Variants in CWF19L2 observed in about 807,000 individuals in gnomAD.
The protein encoded by CWF19L2 is CWF19-like protein 2.
In CWF19L2, 98 loss-of-function variants were observed where a neutral mutation model predicts 111.7. The ratio of observed to expected loss-of-function variants is 0.88; its 90% CI spans 0.75 to 1.04. CWF19L2 has a LOEUF of 1.04. Among genes scored for constraint, CWF19L2 ranks in the 50% least tolerant of loss-of-function variants. CWF19L2 has a pLI of 0.00. For synonymous variants in CWF19L2, 351 were observed against 342.9 expected (o/e 1.02, Z -0.26); for missense variants, 1,101 against 1,051.4 (o/e 1.05, Z -0.65).
chr11:107,396,367 A>C (rs1351987449), intron 10 of CWF19L2, among the ~76,000 whole-genome samples: 1 of 152,204 alleles, frequency 6.6e-6, no homozygotes, highest in African/African-American at 2.4e-5. Context: ...CAAAACTGAT[A>C]ATTTGTTAAA....
In CWF19L2 at chr11:107,428,977, A is replaced by G; in HGVS notation, c.1255T>C (p.Trp419Arg). Residue 419 changes from tryptophan to arginine, a missense_variant, in exon 8 of 18, where the codon TGG (tryptophan) becomes CGG (arginine). Trp to Arg is a moderately radical substitution (Grantham distance 101). Coordinates refer to ENST00000282251, the MANE Select transcript of CWF19L2 (RefSeq NM_152434.3). Reference sequence around the variant, plus strand: ...TCTCCTCTCCCATCAGAGCGACTCCATGATGTTAATCTTTCTTCACTGTTC... The same window carrying G: ...TCTCCTCTCCCATCAGAGCGACTCCGTGATGTTAATCTTTCTTCACTGTTC... The part of the protein sequence containing the change: ...TKNSEERLTS[W>R]SRSDGRGDKK... 6.2e-7 allele frequency: 1 copy of G among 1,613,498 alleles called. No homozygotes were observed. Among genetic ancestry groups the G allele is most frequent in the Non-Finnish European group, 8.5e-7 (1 of 1,179,720 alleles).
chr11:107,384,086 A>G (rs1860731091), intron 12 of CWF19L2, among the ~76,000 whole-genome samples: 1 of 152,206 alleles, frequency 6.6e-6, no homozygotes, highest in African/African-American at 2.4e-5. Context: ...CATACACTGA[A>G]TGAGTTCAAT....
intron 9 of CWF19L2, among the ~76,000 whole-genome samples, chr11:107,417,939 T>A (rs1861250984): frequency 6.6e-6 from 1 of 152,130 alleles, no homozygotes; most frequent in Non-Finnish European, 1.5e-5. Context: ...TTTGTATTTT[T>A]ACTAGAGACA....
intron 17 of CWF19L2, among the ~76,000 whole-genome samples, chr11:107,328,602 A>T (rs1226364461): frequency 3.3e-5 from 5 of 152,178 alleles, no homozygotes; most frequent in Non-Finnish European, 2.9e-5. Context: ...TAACTCCAAA[A>T]CTGAATCATA....
rs1307018511 is a variant in CWF19L2 at position 107,411,833 on chromosome 11, A to C, written c.1617+4376T>G. ...AAATAGAAGAGTACTTATGATTCTT[A>C]TTTTATTTTCTTCATTAGGCCTAAT... On this transcript the variant is annotated intron_variant, in intron 10 of 17. Coordinates refer to ENST00000282251, the MANE Select transcript of CWF19L2 (RefSeq NM_152434.3). Among the ~76,000 whole-genome samples the C allele has an allele frequency of 2.6e-5, 4 of 152,104 alleles. No individual in the cohort carries two copies. The East Asian group carries it at 7.7e-4, about 29-fold the overall frequency.
In CWF19L2 at chr11:107,390,165, T is replaced by C. The variant is rs36025692; in HGVS notation, c.1781A>G (p.Asp594Gly). The change falls in exon 12 of 18, where the codon GAT becomes GGT. Residue 594 changes from aspartate to glycine, a missense_variant. Physicochemically the swap from Asp to Gly is moderately conservative, Grantham distance 94. Transcript: ENST00000282251. ...TAAATCATTTAGGCTTAGATTATCA[T>C]CATCATGAAAGTATCTGACCCTTTC... is the stretch of plus-strand genomic sequence containing the variant. ...ERERVRYFHD[D>G]DNLSLNDLVK... The C allele has an allele frequency of 1.6e-3, 2,651 of 1,611,380 alleles. 38 individuals are homozygous for C. In the African/African-American group the frequency reaches 0.032, roughly 19 times the overall value.
chr11:107,394,791 T>C (rs536967444), intron 10 of CWF19L2, among the ~76,000 whole-genome samples: 12 of 152,136 alleles, frequency 7.9e-5, no homozygotes, highest in Admixed American at 6.5e-5. Flanking sequence ...GGTTCCTTGG[T>C]TTCCAGCCCT....
intron 12 of CWF19L2, among the ~76,000 whole-genome samples, chr11:107,358,617 G>T (rs984404696): frequency 2.0e-5 from 3 of 152,204 alleles, no homozygotes; most frequent in African/African-American, 7.2e-5. Context: ...ACTATTCTAT[G>T]ATTCCATTCA....
In CWF19L2 at chr11:107,326,995, T is replaced by C. The variant is rs1475275114; in HGVS notation, c.2600A>G (p.Glu867Gly). 1 of 1,612,326 alleles carries C rather than the reference T, an allele frequency of 6.2e-7. No homozygotes were observed. The highest frequency in any genetic ancestry group is 2.2e-5 in the East Asian group (1 of 44,756). ...EPRLWRKGIR[E>G]SFEDQRKKAL... ...TTTTTTCCTCTGATCCTCAAAGCTT[T>C]CTCGGATGCCTTTCCTCCAAAGTCT... The change falls in exon 18 of 18, where the codon GAA (glutamate) becomes GGA (glycine). Residue 867 changes from glutamate (E) to glycine (G), a missense_variant. By Grantham distance (98) the Glu-to-Gly change is moderately conservative. Transcript: ENST00000282251.
At chr11:107,382,106 T>A (rs888133139) in intron 12 of CWF19L2, among the ~76,000 whole-genome samples, 13 of 152,150 alleles carry the variant, frequency 8.5e-5, no homozygotes, top group African/African-American at 7.2e-5. Context: ...TGAGTTTACG[T>A]TGCCAAGGTA....
chr11:107,342,553 C>T (rs7350479), intron 14 of CWF19L2, among the ~76,000 whole-genome samples: 40,249 of 151,708 alleles, frequency 0.27, 5,581 homozygotes, highest in Non-Finnish European at 0.31. Context: ...TTTAAATTTG[C>T]TGAGATTAGT....
intron 14 of CWF19L2, among the ~76,000 whole-genome samples, chr11:107,338,499 T>A (rs56753250): frequency 0.25 from 38,464 of 151,966 alleles, 5,056 homozygotes; most frequent in Non-Finnish European, 0.29. Context: ...GCTGCACAGA[T>A]CATCCCGTTA....
intron 15 of CWF19L2, among the ~76,000 whole-genome samples, chr11:107,335,871 G>T (rs970644813): frequency 6.6e-6 from 1 of 152,078 alleles, no homozygotes; most frequent in Non-Finnish European, 1.5e-5. Context: ...CAGTTGCTTG[G>T]CTTGACACTG....
chr11:107,361,707 A>T (rs1052636988), intron 12 of CWF19L2, among the ~76,000 whole-genome samples: 1 of 152,186 alleles, frequency 6.6e-6, no homozygotes, highest in Admixed American at 6.5e-5. Context: ...GGTTAAATAT[A>T]TTCCTAGGTA....
rs577081264 is a variant in CWF19L2 at position 107,373,010 on chromosome 11, C to T, written c.1872+17064G>A. ...CTTTCTGAGTCAAAGAAAGGGGTGA[C>T]GGACGCACCTGGAAAATCGAGTCAC... On this transcript the variant is annotated intron_variant, in intron 12 of 17. Coordinates refer to ENST00000282251, the MANE Select transcript of CWF19L2 (RefSeq NM_152434.3). Among the ~76,000 whole-genome samples, 3 of 48,894 alleles carry T rather than the reference C, an allele frequency of 6.1e-5. No individual in the cohort carries two copies. The East Asian group carries it at 1.6e-3, about 26-fold the overall frequency. The allele number at this position is 48,894 out of a possible 152,430, so 32.1% of individuals were successfully genotyped here. A position where few individuals can be genotyped will look rare whatever the true frequency, so the allele number is the denominator to read the frequency against.
Position 107,420,331 on chromosome 11 carries a change from C to T in CWF19L2, c.1434-2044G>A, listed in dbSNP as rs563927071. On this transcript the variant is annotated intron_variant, in intron 8 of 17. Coordinates refer to ENST00000282251, the MANE Select transcript of CWF19L2 (RefSeq NM_152434.3). The stretch of plus-strand genomic sequence containing the variant: ...ACATAAAAGGATAGAAAAAGATATA[C>T]CATGTTAATGCTAGTCAAAAGAAAG... Among the ~76,000 whole-genome samples the T allele has an allele frequency of 9.9e-5, 15 of 152,104 alleles. No homozygotes were observed. In the South Asian group the frequency reaches 3.1e-3, roughly 31 times the overall value.
intron 12 of CWF19L2, among the ~76,000 whole-genome samples, chr11:107,362,847 A>G (rs929240633): frequency 9.2e-5 from 14 of 152,004 alleles, no homozygotes; most frequent in African/African-American, 3.4e-4. Context: ...AGCTGAGAGA[A>G]GAAGGCTTCA....
At chr11:107,419,863 A>G (rs1007268930) in intron 8 of CWF19L2, among the ~76,000 whole-genome samples, 4 of 152,144 alleles carry the variant, frequency 2.6e-5, no homozygotes, top group African/African-American at 9.6e-5. Flanking sequence ...TTTGAGGTTT[A>G]TAACAAGTAT....
In CWF19L2 at chr11:107,442,960, T is replaced by C. The variant is rs140032384; in HGVS notation, c.429A>G (p.Lys143=). The C allele has an allele frequency of 2.4e-3, 3,756 of 1,549,910 alleles. 13 individuals carry two copies. The highest frequency in any genetic ancestry group is 3.1e-3 in the Non-Finnish European group (3,605 of 1,145,180). The change falls in exon 4 of 18, where the codon AAA becomes AAG. Residue 143 remains lysine, a synonymous_variant. Coordinates refer to ENST00000282251, the MANE Select transcript of CWF19L2 (RefSeq NM_152434.3). ...AWKVKDEKSG[K]DDTQIIKRDE... is the part of the protein sequence containing the mutation. The stretch of plus-strand genomic sequence containing the variant: ...TTACCTTGATAATTTGGGTGTCATC[T>C]TTTCCTGACTTTTCATCTTTCACTT...
Sources: allele counts gnomAD v4.1 joint callset (sites outside exome capture counted in the v4.1 genomes callset), GRCh38; gene constraint gnomAD v4.1.1; transcripts MANE v1.5; gene names NCBI Gene and HGNC (gene_info 2026-07-23, HGNC 2026-07-21).